WDR70: variants seen among roughly 807,000 people sequenced by gnomAD.
WDR70 encodes the protein WD repeat domain 70, also known as WD repeat-containing protein 70.
Under a neutral mutation model 88.6 loss-of-function variants are expected in WDR70, and 53 were observed. The ratio of observed to expected loss-of-function variants is 0.60; its 90% CI spans 0.48 to 0.75. The LOEUF is 0.75. WDR70 is among the 30% of genes least tolerant of loss of function. The pLI is 0.00. For missense variants in WDR70, 610 were observed against 823.2 expected, an observed-to-expected ratio of 0.74 and a Z score of 3.17; for synonymous variants, 280 against 270.0, an observed-to-expected ratio of 1.04 and a Z score of -0.36.
chr5:37,394,285 C>CAAAAA (rs199867827), intron 4 of WDR70, among the ~76,000 whole-genome samples: 4 of 95,838 alleles, frequency 4.2e-5, no homozygotes, highest in African/African-American at 1.3e-4. Context: ...GACTCTGTCT[C>CAAAAA]AAAAAAAAAA....
chr5:37,619,800 T>A (rs956341910), intron 10 of WDR70, among the ~76,000 whole-genome samples: 9 of 151,862 alleles, frequency 5.9e-5, no homozygotes, highest in African/African-American at 2.2e-4. Flanking sequence ...CAGTAATTTA[T>A]CAAATTTCTT....
At chr5:37,610,157 T>G (rs1476788074) in intron 10 of WDR70, among the ~76,000 whole-genome samples, 1 of 151,820 alleles carries the variant, frequency 6.6e-6, no homozygotes, top group Non-Finnish European at 1.5e-5. Flanking sequence ...TCCCATCTAC[T>G]TGGGAGGTTG....
chr5:37,528,544 G>C (rs1741375966), intron 9 of WDR70, among the ~76,000 whole-genome samples: 1 of 152,088 alleles, frequency 6.6e-6, no homozygotes, highest in East Asian at 1.9e-4. Context: ...TGAGTTAATG[G>C]GTGGAGCACA....
At chr5:37,572,785 A>C (rs1742945732) in intron 9 of WDR70, among the ~76,000 whole-genome samples, 1 of 152,218 alleles carries the variant, frequency 6.6e-6, no homozygotes, top group Non-Finnish European at 1.5e-5. Context: ...CTCCCACTGC[A>C]AACATAGTGA....
At chr5:37,431,129 C>T (rs560419926) in intron 5 of WDR70, among the ~76,000 whole-genome samples, 5 of 152,174 alleles carry the variant, frequency 3.3e-5, no homozygotes, top group Non-Finnish European at 7.3e-5. Context: ...GTTGGGATTG[C>T]AGGCATGAGC....
At chr5:37,405,762 T>C (rs1422558508) in intron 5 of WDR70, among the ~76,000 whole-genome samples, 2 of 152,180 alleles carry the variant, frequency 1.3e-5, no homozygotes, top group Non-Finnish European at 2.9e-5. Context: ...AAGGATTTAA[T>C]GGACTGGTCG....
chr5:37,531,650 ATT>A (rs1741490833), intron 9 of WDR70, among the ~76,000 whole-genome samples: 1 of 125,830 alleles, frequency 7.9e-6, no homozygotes, highest in East Asian at 2.3e-4. Flanking sequence ...TTTGGCGTCC[ATT>A]TCCGTGGAAT....
intron 9 of WDR70, among the ~76,000 whole-genome samples, chr5:37,565,988 A>C (rs1742729889): frequency 6.6e-6 from 1 of 152,102 alleles, no homozygotes; most frequent in African/African-American, 2.4e-5. Flanking sequence ...ATACCATAAA[A>C]TTTACCCTTT....
intron 9 of WDR70, among the ~76,000 whole-genome samples, chr5:37,523,101 A>C (rs1028264746): frequency 1.3e-5 from 2 of 152,230 alleles, no homozygotes; most frequent in Admixed American, 6.5e-5. Context: ...GCAGGCTTAA[A>C]TGTCCCTGTC....
rs2112998 is a variant in WDR70, at chr5:37,728,109, T to C, written c.1877+1064T>C. Among the ~76,000 whole-genome samples the C allele has an allele frequency of 4.7e-4, 71 of 151,874 alleles. No homozygotes were observed. In the East Asian group the frequency reaches 0.013, roughly 28 times the overall value. On this transcript the variant is annotated intron_variant, in intron 17 of 17. Coordinates refer to ENST00000265107, the MANE Select transcript of WDR70 (RefSeq NM_018034.4). ...ATGCTTATAATCCCGACACTTTGGG[T>C]GGCCGAGGCAGGCAGGTCACTTGAG...
intron 3 of WDR70, among the ~76,000 whole-genome samples, chr5:37,389,419 T>C (rs1748740332): frequency 6.6e-6 from 1 of 151,492 alleles, no homozygotes; most frequent in African/African-American, 2.4e-5. Context: ...TTTATTTATT[T>C]ATTTTTTTTG....
At chr5:37,391,850 A>G (rs1748828915) in intron 3 of WDR70, 150 bp from the exon 4 acceptor site, 4 of 765,580 alleles carry the variant, frequency 5.2e-6, no homozygotes, top group Non-Finnish European at 8.0e-6. Context: ...ACTGTTTTCC[A>G]GTGGCTGTGG....
intron 8 of WDR70, among the ~76,000 whole-genome samples, chr5:37,483,702 C>A (rs1210340026): frequency 3.3e-5 from 5 of 151,530 alleles, no homozygotes; most frequent in African/African-American, 4.8e-5. Context: ...CCCCACCTCC[C>A]AGACGGGGCG....
At chr5:37,706,566 A>G (rs947586584) in intron 13 of WDR70, among the ~76,000 whole-genome samples, 1 of 152,196 alleles carries the variant, frequency 6.6e-6, no homozygotes, top group African/African-American at 2.4e-5. Context: ...GCCTGCCACC[A>G]TGTAAGACGT....
chr5:37,713,626 A>T (rs995242865), intron 13 of WDR70, among the ~76,000 whole-genome samples: 3 of 152,024 alleles, frequency 2.0e-5, no homozygotes, highest in African/African-American at 7.2e-5. Context: ...ATTATTAGGT[A>T]ATACTTATTC....
chr5:37,606,143 C>T (rs1744024811), intron 10 of WDR70, among the ~76,000 whole-genome samples: 1 of 152,064 alleles, frequency 6.6e-6, no homozygotes, highest in Non-Finnish European at 1.5e-5. Context: ...CAAATATTTA[C>T]ATTTTGAAGG....
At chr5:37,592,155 A>T (rs1327943958) in intron 9 of WDR70, among the ~76,000 whole-genome samples, 2 of 152,194 alleles carry the variant, frequency 1.3e-5, no homozygotes, top group Admixed American at 6.5e-5. Flanking sequence ...ATGTAATGAG[A>T]TGTCTTGAGA....
intron 13 of WDR70, among the ~76,000 whole-genome samples, chr5:37,717,655 T>G (rs745504560): frequency 1.3e-5 from 2 of 152,234 alleles, no homozygotes; most frequent in Non-Finnish European, 2.9e-5. Flanking sequence ...CGCATTGTTG[T>G]TAAGCAAAGC....
intron 5 of WDR70, among the ~76,000 whole-genome samples, chr5:37,410,374 AC>A (rs913454793): frequency 2.4e-4 from 37 of 151,538 alleles, no homozygotes; most frequent in Admixed American, 2.4e-3. Context: ...ACTGATGAAA[AC>A]TTTAATGCTA....
Sources: gnomAD v4.1 joint callset for allele counts (sites outside exome capture counted in the v4.1 genomes callset) on GRCh38, gnomAD v4.1.1 for gene constraint, MANE v1.5 for transcripts, NCBI Gene and HGNC (gene_info 2026-07-23, HGNC 2026-07-21) for gene names.